The following CDH18 variants were observed in gnomAD, a reference collection of about 807,000 sequenced individuals.
The protein encoded by CDH18 is cadherin-18.
In CDH18, 31 loss-of-function variants were observed where a neutral mutation model predicts 67.9. The observed-to-expected ratio is 0.46, with a 90% confidence interval of 0.34 to 0.62. The LOEUF (loss-of-function observed/expected upper bound fraction) is 0.62. Among genes scored for constraint, CDH18 ranks in the 20% least tolerant of loss-of-function variants. CDH18 has a pLI of 0.01. For synonymous variants in CDH18, 362 were observed against 347.2 expected, an observed-to-expected ratio of 1.04 and a Z score of -0.48; for missense variants, 890 against 975.5, an observed-to-expected ratio of 0.91 and a Z score of 1.17.
chr5:19,923,620 G>T lies in CDH18; in HGVS notation c.-257+57440C>A, dbSNP rs116005575. Among the ~76,000 whole-genome samples the T allele has an allele frequency of 7.5e-3, 1,147 of 152,190 alleles. 6 individuals carry two copies. The highest frequency in any genetic ancestry group is 0.014 in the Middle Eastern group (4 of 294). On this transcript the variant is annotated intron_variant, in intron 2 of 12. Coordinates refer to ENST00000382275, the MANE Select transcript of CDH18 (RefSeq NM_004934.5). ...TATAAGAATACATCCTTATGGAGTA[G>T]TCATGGAGAAGCTGAACAGGCTCTC... is the stretch of plus-strand genomic sequence containing the variant.
At chr5:20,118,049 A>T (rs890224182) in intron 2 of CDH18, among the ~76,000 whole-genome samples, 8 of 152,200 alleles carry the variant, frequency 5.3e-5, no homozygotes, top group African/African-American at 1.9e-4. Flanking sequence ...TCATTATCTT[A>T]TGCAAATAAT....
At chr5:19,588,435 CG>C (rs1001226606) in intron 7 of CDH18, among the ~76,000 whole-genome samples, 1 of 151,960 alleles carries the variant, frequency 6.6e-6, no homozygotes, top group Admixed American at 6.6e-5. Flanking sequence ...AACTTGTTAT[CG>C]GCCTAAAAAA....
At chr5:20,066,956 T>C (rs1246848806) in intron 2 of CDH18, among the ~76,000 whole-genome samples, 1 of 151,774 alleles carries the variant, frequency 6.6e-6, no homozygotes, top group African/African-American at 2.4e-5. Context: ...CAGCCCTCCA[T>C]ATCCATGGAT....
chr5:19,543,503 T>C (rs1735764620), intron 9 of CDH18, among the ~76,000 whole-genome samples: 3 of 152,156 alleles, frequency 2.0e-5, no homozygotes, highest in Admixed American at 2.0e-4. Context: ...TTTCTTTCTT[T>C]CTTTTTTCCT....
chr5:19,953,387 A>G (rs1464750571), intron 2 of CDH18, among the ~76,000 whole-genome samples: 1 of 152,018 alleles, frequency 6.6e-6, no homozygotes, highest in Non-Finnish European at 1.5e-5. Context: ...TTGTCTCTCT[A>G]TTGGTTTCTG....
At chr5:20,239,758 A>G (rs1742750648) in intron 2 of CDH18, among the ~76,000 whole-genome samples, 1 of 152,148 alleles carries the variant, frequency 6.6e-6, no homozygotes, top group African/African-American at 2.4e-5. Flanking sequence ...ATGCTTGACA[A>G]TCTTTCAAAA....
chr5:19,846,180 T>C (rs557460176), intron 2 of CDH18, among the ~76,000 whole-genome samples: 5 of 152,032 alleles, frequency 3.3e-5, no homozygotes, highest in Non-Finnish European at 5.9e-5. Context: ...TCTTCCACAG[T>C]ATCATTTTTT....
intron 3 of CDH18, among the ~76,000 whole-genome samples, chr5:19,824,838 G>A (rs1162437233): frequency 6.6e-6 from 1 of 152,164 alleles, no homozygotes; most frequent in Non-Finnish European, 1.5e-5. Context: ...ACTTGCTAGA[G>A]CTTCTGGCCC....
intron 5 of CDH18, among the ~76,000 whole-genome samples, chr5:19,683,111 A>ATCTATCTG (rs1343721649): frequency 6.6e-6 from 1 of 151,796 alleles, no homozygotes; most frequent in Non-Finnish European, 1.5e-5. Flanking sequence ...AACTCTATCT[A>ATCTATCTG]TCTATCTATC....
intron 2 of CDH18, among the ~76,000 whole-genome samples, chr5:19,964,371 A>C (rs986641892): frequency 6.6e-6 from 1 of 151,642 alleles, no homozygotes; most frequent in African/African-American, 2.4e-5. Flanking sequence ...ACTTGAGCCC[A>C]GGATTTCAAG....
In CDH18 at chr5:20,188,507, T is replaced by C. The variant is rs1299977129; in HGVS notation, c.-518+66937A>G. On this transcript the variant is annotated intron_variant, in intron 2 of 14. Coordinates refer to the CDH18 transcript ENST00000507958. ...ATCATCATCATCATTATCTTCATCA[T>C]TATCATTTTCAAAATGAACCACTTA... 4.6e-5 allele frequency among the ~76,000 whole-genome samples: 7 copies of C among 152,096 alleles called. No homozygotes were observed. In the East Asian group the frequency reaches 1.2e-3, roughly 25 times the overall value.
At chr5:19,503,697 TCTC>T (rs901291572) in intron 10 of CDH18, among the ~76,000 whole-genome samples, 6 of 152,074 alleles carry the variant, frequency 3.9e-5, no homozygotes, top group South Asian at 2.1e-4. Context: ...ATGAATAACT[TCTC>T]CTCTCTAGTG....
chr5:20,305,633 C>G, intron 1 of CDH18: 1 of 459,260 alleles, frequency 2.2e-6, no homozygotes, highest in Non-Finnish European at 4.0e-6. Flanking sequence ...GAGACTCAAA[C>G]GCCATGTCCG....
At chr5:19,573,612 T>C (rs1436300666) in intron 7 of CDH18, among the ~76,000 whole-genome samples, 1 of 152,162 alleles carries the variant, frequency 6.6e-6, no homozygotes, top group African/African-American at 2.4e-5. Context: ...ATCCACACAT[T>C]AAACTTTTTC....
At chr5:20,023,490 T>G (rs1738606259) in intron 2 of CDH18, among the ~76,000 whole-genome samples, 2 of 151,808 alleles carry the variant, frequency 1.3e-5, no homozygotes, top group African/African-American at 4.8e-5. Context: ...AAACCCCGTC[T>G]CTACTAAAAA....
chr5:20,557,974 A>AATGTTATAGTTATATAACATTT (rs1758002267), intron 1 of CDH18, among the ~76,000 whole-genome samples: 11 of 78,730 alleles, frequency 1.4e-4, no homozygotes, highest in African/African-American at 4.6e-4. Flanking sequence ...ATATAACATT[A>AATGTTATAGTTATATAACATTT]AATGTTATAG....
intron 1 of CDH18, among the ~76,000 whole-genome samples, chr5:20,390,763 T>A (rs1203790871): frequency 6.6e-6 from 1 of 152,046 alleles, no homozygotes; most frequent in East Asian, 1.9e-4. Context: ...ATAGACTGGA[T>A]TAAGAAAATG....
At chr5:20,160,382 T>C (rs1346721646) in intron 2 of CDH18, among the ~76,000 whole-genome samples, 1 of 152,154 alleles carries the variant, frequency 6.6e-6, no homozygotes, top group African/African-American at 2.4e-5. Context: ...CAGATAGCTT[T>C]CTCTAAAAAA....
At chr5:19,931,985 C>T (rs184012221) in intron 2 of CDH18, among the ~76,000 whole-genome samples, 3 of 151,920 alleles carry the variant, frequency 2.0e-5, no homozygotes, top group African/African-American at 7.2e-5. Flanking sequence ...ATCACTCCAA[C>T]TCCTCACTCT....
Sources: allele counts gnomAD v4.1 joint callset (sites outside exome capture counted in the v4.1 genomes callset), GRCh38; gene constraint gnomAD v4.1.1; transcripts MANE v1.5; gene names NCBI Gene and HGNC (gene_info 2026-07-23, HGNC 2026-07-21).